RNF130: variants seen among roughly 807,000 people sequenced by gnomAD.
The protein encoded by RNF130 is E3 ubiquitin-protein ligase RNF130.
Under a neutral mutation model 44.6 loss-of-function variants are expected in RNF130, and 21 were observed. The observed-to-expected ratio is 0.47, with a 90% CI of 0.33 to 0.68. The LOEUF is 0.68. Among genes scored for constraint, RNF130 ranks in the 30% least tolerant of loss-of-function variants. The pLI is 0.02. For synonymous variants in RNF130, 214 were observed against 210.4 expected (o/e 1.02, Z -0.15); for missense variants, 479 against 560.6 (o/e 0.85, Z 1.47).
exon 8 of RNF130, chr5:179,919,256 T>G (rs1458675134): frequency 1.3e-5 from 2 of 152,298 alleles, no homozygotes; most frequent in Non-Finnish European, 2.9e-5. Context: ...AGATCCCACA[T>G]GTCCCTGATG....
chr5:180,026,075 A>G (rs559614373), intron 2 of RNF130, among the ~76,000 whole-genome samples: 69 of 152,092 alleles, frequency 4.5e-4, no homozygotes, highest in African/African-American at 1.0e-3. Flanking sequence ...AATATGATGG[A>G]AAAAAGGTGA....
At chr5:179,983,975 C>T (rs1046205510) in intron 3 of RNF130, among the ~76,000 whole-genome samples, 1 of 152,192 alleles carries the variant, frequency 6.6e-6, no homozygotes, top group Non-Finnish European at 1.5e-5. Context: ...ACTCAAACTC[C>T]TGGGTTCAAA....
intron 7 of RNF130, among the ~76,000 whole-genome samples, chr5:179,946,602 G>A (rs564760134): frequency 1.1e-3 from 160 of 149,386 alleles, no homozygotes; most frequent in African/African-American, 3.8e-3. Context: ...CGCCCAGGCT[G>A]GAGTGCAGTG....
chr5:180,037,243 A>G (rs757898503), intron 2 of RNF130, among the ~76,000 whole-genome samples: 23 of 152,198 alleles, frequency 1.5e-4, no homozygotes, highest in African/African-American at 5.3e-4. Flanking sequence ...CATGTGCGAG[A>G]GTAACAAGGG....
chr5:179,923,981 C>G (rs1380587427), intron 7 of RNF130, among the ~76,000 whole-genome samples: 2 of 152,208 alleles, frequency 1.3e-5, no homozygotes, highest in Non-Finnish European at 2.9e-5. Context: ...CATTTCAGTG[C>G]TAGCTCATGA....
At chr5:180,038,615 G>C (rs1281841953) in intron 2 of RNF130, among the ~76,000 whole-genome samples, 1 of 151,922 alleles carries the variant, frequency 6.6e-6, no homozygotes, top group Non-Finnish European at 1.5e-5. Flanking sequence ...GAGTCCTCTA[G>C]GAACATATCT....
rs139306341 is a variant in RNF130 at position 179,987,158 on chromosome 5, CCTTT to C, written c.694-6962_694-6959del. On this transcript the variant is annotated intron_variant, in intron 3 of 8. Coordinates refer to ENST00000521389, the MANE Select transcript of RNF130 (RefSeq NM_018434.6). ...TCCTCCCTTCCTCCTTTCCTTCCTT[CCTTT>C]CTTTCTTCTATTTTTTTTCTTAGAG... Among the ~76,000 whole-genome samples, 1,125 of 152,030 alleles carry C rather than the reference CCTTT, an allele frequency of 7.4e-3. 13 individuals are homozygous for C. The highest frequency in any genetic ancestry group is 0.025 in the African/African-American group (1,054 of 41,454).
intron 1 of RNF130, among the ~76,000 whole-genome samples, chr5:180,048,479 TAAAA>T (rs753036020): frequency 1.3e-5 from 2 of 151,996 alleles, no homozygotes; most frequent in Non-Finnish European, 2.9e-5. Flanking sequence ...TTAGATTGAT[TAAAA>T]ATAATGAGGC....
chr5:179,935,653 C>T (rs1448668334), intron 7 of RNF130, among the ~76,000 whole-genome samples: 1 of 151,872 alleles, frequency 6.6e-6, no homozygotes, highest in African/African-American at 2.4e-5. Context: ...GTCCTATAGT[C>T]CTCTCCTCTA....
chr5:179,933,339 A>G (rs1761837450), intron 7 of RNF130, among the ~76,000 whole-genome samples: 1 of 149,470 alleles, frequency 6.7e-6, no homozygotes, highest in South Asian at 2.1e-4. Context: ...GGTACTTTGT[A>G]TTTTTCAAAA....
intron 7 of RNF130, among the ~76,000 whole-genome samples, chr5:179,947,304 A>T (rs1330356194): frequency 6.6e-6 from 1 of 152,172 alleles, no homozygotes; most frequent in African/African-American, 2.4e-5. Flanking sequence ...TGCCCACAGT[A>T]AAGTCCGTGC....
chr5:180,022,938 G>C (rs919241870), intron 2 of RNF130, among the ~76,000 whole-genome samples: 1 of 152,224 alleles, frequency 6.6e-6, no homozygotes, highest in Admixed American at 6.5e-5. Flanking sequence ...GATTCAGGTT[G>C]GGAGGAAAGT....
chr5:179,989,911 G>A (rs545227676), intron 3 of RNF130, among the ~76,000 whole-genome samples: 1 of 152,206 alleles, frequency 6.6e-6, no homozygotes, highest in South Asian at 2.1e-4. Context: ...ACTTTCATGT[G>A]TTTTTATGAT....
intron 5 of RNF130, among the ~76,000 whole-genome samples, chr5:179,971,616 G>T (rs544911530): frequency 1.3e-5 from 2 of 152,134 alleles, no homozygotes; most frequent in African/African-American, 2.4e-5. Context: ...TGATCCGCCC[G>T]CCTCGGCCTC....
chr5:179,939,798 G>T, intron 7 of RNF130: 1 of 401,998 alleles, frequency 2.5e-6, no homozygotes, highest in South Asian at 2.1e-5. Context: ...GTCCTCAAAT[G>T]GGTCTTCAAA....
intron 7 of RNF130, among the ~76,000 whole-genome samples, chr5:179,948,374 T>C (rs935672379): frequency 4.6e-5 from 7 of 152,134 alleles, no homozygotes; most frequent in Admixed American, 1.3e-4. Context: ...TTCTTTGTTC[T>C]GTTTGTTGCT....
At chr5:179,990,972 C>T (rs557322868) in intron 3 of RNF130, among the ~76,000 whole-genome samples, 35 of 152,304 alleles carry the variant, frequency 2.3e-4, no homozygotes, top group Non-Finnish European at 3.2e-4. Flanking sequence ...TGGAATAGCT[C>T]GTGCCCTCGG....
At chr5:180,040,745 G>T in intron 1 of RNF130, 98 bp from the exon 2 acceptor site, 2 of 1,095,016 alleles carry the variant, frequency 1.8e-6, no homozygotes, top group South Asian at 1.7e-5. Flanking sequence ...CAGAGCTAAA[G>T]CACGTGAAGC....
intron 1 of RNF130, among the ~76,000 whole-genome samples, chr5:180,043,393 T>A (rs1271886091): frequency 6.6e-6 from 1 of 152,188 alleles, no homozygotes; most frequent in Non-Finnish European, 1.5e-5. Context: ...TTTGTTTCAC[T>A]GACATTCATC....
Sources: gnomAD v4.1 joint callset for allele counts (sites outside exome capture counted in the v4.1 genomes callset) on GRCh38, gnomAD v4.1.1 for gene constraint, MANE v1.5 for transcripts, NCBI Gene and HGNC (gene_info 2026-07-23, HGNC 2026-07-21) for gene names.